Variants in HERC1 observed in about 807,000 individuals in gnomAD.
HERC1 encodes probable E3 ubiquitin-protein ligase HERC1.
A neutral mutation model predicts 554.3 loss-of-function variants in HERC1; 160 were observed. The observed-to-expected ratio is 0.29, with a 90% CI of 0.25 to 0.33. The LOEUF (loss-of-function observed/expected upper bound fraction) is 0.33. Among genes scored for constraint, HERC1 ranks in the 10% least tolerant of loss-of-function variants. The pLI is 1.00. For synonymous variants in HERC1, 2,175 were observed against 2,131.7 expected, an observed-to-expected ratio of 1.02 and a Z score of -0.56; for missense variants, 4,919 against 5,918.5, an observed-to-expected ratio of 0.83 and a Z score of 5.54.
chr15:63,764,386 A>G (rs1408092395), intron 2 of HERC1, among the ~76,000 whole-genome samples, 195 bp from the exon 3 acceptor site: 1 of 152,260 alleles, frequency 6.6e-6, no homozygotes, highest in African/African-American at 2.4e-5. Flanking sequence ...TGGCTACTGC[A>G]TCACATGATA....
chr15:63,706,337 A>G (rs551243065), intron 25 of HERC1, among the ~76,000 whole-genome samples: 1 of 152,282 alleles, frequency 6.6e-6, no homozygotes, highest in African/African-American at 2.4e-5. Flanking sequence ...AAAAAATAGA[A>G]ACTTTTTATT....
At position 63,734,790 on chromosome 15, in the gene HERC1, C is replaced by T. The variant is rs192526843; in HGVS notation, c.2580G>A (p.Arg860=). The change falls in exon 13 of 78, where the codon CGG becomes CGA. Residue 860 remains arginine, a synonymous_variant. Transcript: ENST00000443617. The surrounding 1 kb of genome is among the most constrained non-coding windows in gnomAD (Gnocchi z 4.6). ...GTAAAAGAGAATGAAGTAATTCCAT[C>T]CGTTCTCGTAATGGAGGTAACAGCA... ...ATMLLPPLRE[R]MELLHSLLPQ... 3.2e-4 allele frequency: 512 copies of T among 1,603,336 alleles called. 1 individual carries two copies. The African/African-American group carries it at 6.2e-3, about 19-fold the overall frequency.
intron 1 of HERC1, among the ~76,000 whole-genome samples, chr15:63,826,528 A>G (rs1417298536): frequency 6.6e-6 from 1 of 152,012 alleles, no homozygotes; most frequent in Non-Finnish European, 1.5e-5. Flanking sequence ...GTTAAACCCC[A>G]AAAGTATTTT....
At chr15:63,796,896 GT>G (rs1287172870) in intron 1 of HERC1, among the ~76,000 whole-genome samples, 2 of 152,170 alleles carry the variant, frequency 1.3e-5, no homozygotes, top group Non-Finnish European at 2.9e-5. Flanking sequence ...GATTGTAAAT[GT>G]TTCTTATCAG....
chr15:63,796,076 T>C (rs908427608), intron 1 of HERC1, among the ~76,000 whole-genome samples: 5 of 152,274 alleles, frequency 3.3e-5, no homozygotes, highest in African/African-American at 1.2e-4. Flanking sequence ...TTTTTAAGAA[T>C]GTTAGCACAG....
intron 1 of HERC1, among the ~76,000 whole-genome samples, chr15:63,791,977 G>A (rs1018008723): frequency 6.6e-6 from 1 of 152,164 alleles, no homozygotes; most frequent in African/African-American, 2.4e-5. Flanking sequence ...ATCAGCAACT[G>A]TCTGAGTTGG....
At chr15:63,748,170 G>A (rs941131193) in intron 10 of HERC1, among the ~76,000 whole-genome samples, 1 of 152,134 alleles carries the variant, frequency 6.6e-6, no homozygotes, top group African/African-American at 2.4e-5. Context: ...ACACTGCAGT[G>A]AGCAGAGACT....
At chr15:63,762,475 C>T (rs371347023) in intron 3 of HERC1, among the ~76,000 whole-genome samples, 12 of 152,202 alleles carry the variant, frequency 7.9e-5, no homozygotes, top group East Asian at 3.9e-4. Context: ...AGACGTCTGC[C>T]GCCCCACCCA....
At chr15:63,819,395 C>T (rs989707838) in intron 1 of HERC1, among the ~76,000 whole-genome samples, 2 of 152,130 alleles carry the variant, frequency 1.3e-5, no homozygotes, top group Non-Finnish European at 2.9e-5. Context: ...ATTTTATAAA[C>T]TAAAAAACTA....
chr15:63,673,473 T>G (rs922579067), intron 38 of HERC1, among the ~76,000 whole-genome samples: 1 of 152,288 alleles, frequency 6.6e-6, no homozygotes, highest in African/African-American at 2.4e-5. Flanking sequence ...ATAAACTCCA[T>G]GAAGGCAAGG....
chr15:63,716,467 C>G lies in HERC1; in HGVS notation c.3985G>C (p.Glu1329Gln). The G allele has an allele frequency of 6.3e-7, 1 of 1,592,072 alleles. No individual in the cohort carries two copies. The highest frequency in any genetic ancestry group is 8.5e-7 in the Non-Finnish European group (1 of 1,172,364). ...RSSSRDRWIS[E>Q]NQDSADVDPQ... ...TCAACATCTGCAGAGTCCTGGTTTT[C>G]TGATATCTTAAAGAAATTATCAGAA... The change falls in exon 22 of 78, where the codon GAA (glutamate) becomes CAA (glutamine). Residue 1329 changes from glutamate to glutamine, a missense_variant. Around this residue, in one of 11 missense-constraint regions of HERC1, gnomAD observed 1,121 missense variants for 1,244.0 expected, o/e 0.90. Coordinates refer to ENST00000443617, the MANE Select transcript of HERC1 (RefSeq NM_003922.4).
chr15:63,825,425 G>A (rs1452035887), intron 1 of HERC1, among the ~76,000 whole-genome samples: 1 of 152,072 alleles, frequency 6.6e-6, no homozygotes, highest in East Asian at 1.9e-4. Flanking sequence ...GAGATGATGG[G>A]TATCTTAAAT....
chr15:63,623,478 A>G (rs1451892607), intron 73 of HERC1, among the ~76,000 whole-genome samples: 1 of 152,224 alleles, frequency 6.6e-6, no homozygotes, highest in Non-Finnish European at 1.5e-5. Context: ...ATTATAACAC[A>G]ACAGATGGTG....
intron 25 of HERC1, among the ~76,000 whole-genome samples, chr15:63,704,075 G>A (rs2072873172): frequency 1.3e-5 from 2 of 151,996 alleles, no homozygotes; most frequent in Non-Finnish European, 2.9e-5. Context: ...AAGATTTTAT[G>A]GCTTAAGGCA....
intron 12 of HERC1, among the ~76,000 whole-genome samples, chr15:63,743,268 T>C (rs1396256576): frequency 6.9e-6 from 1 of 144,466 alleles, no homozygotes; most frequent in Admixed American, 6.8e-5. Context: ...TTTTTCTTTT[T>C]TTTTTTTTTT....
chr15:63,747,136 A>T (rs1230479107), intron 11 of HERC1, 53 bp from the exon 12 acceptor site: 3 of 1,514,662 alleles, frequency 2.0e-6, no homozygotes, highest in Non-Finnish European at 2.7e-6. Flanking sequence ...TGCCTGTGCT[A>T]TCCAGTTTGG....
intron 1 of HERC1, among the ~76,000 whole-genome samples, chr15:63,795,876 G>C (rs1596276477): frequency 6.6e-6 from 1 of 152,230 alleles, no homozygotes; most frequent in Non-Finnish European, 1.5e-5. Flanking sequence ...AGGCAGAGGA[G>C]AATCAAGGAA....
chr15:63,729,198 A>C, intron 16 of HERC1, 38 bp downstream of exon 16: 1 of 1,560,206 alleles, frequency 6.4e-7, no homozygotes, highest in Non-Finnish European at 8.7e-7. Context: ...CTTACTTCTT[A>C]ATGACTGATT....
intron 12 of HERC1, among the ~76,000 whole-genome samples, chr15:63,744,072 A>G (rs2141494092): frequency 6.8e-6 from 1 of 147,634 alleles, no homozygotes; most frequent in Non-Finnish European, 1.5e-5. Context: ...TATCAGGCAG[A>G]GACTCTTGTT....
Sources: gnomAD v4.1 joint callset for allele counts (sites outside exome capture counted in the v4.1 genomes callset) on GRCh38, gnomAD v4.1.1 for gene constraint, gnomAD v4.1.1 regional missense constraint, Gnocchi (gnomAD v3.1) non-coding constraint, MANE v1.5 for transcripts, NCBI Gene and HGNC (gene_info 2026-07-23, HGNC 2026-07-21) for gene names.